ARHGAP24: variants seen among roughly 807,000 people sequenced by gnomAD.
ARHGAP24 encodes Rho GTPase activating protein 24.
In ARHGAP24, 50 loss-of-function variants were observed where a neutral mutation model predicts 76.4. The observed-to-expected ratio is 0.65, with a 90% CI of 0.52 to 0.83. The LOEUF (loss-of-function observed/expected upper bound fraction) is 0.83. Ranked by LOEUF, ARHGAP24 falls within the 40% of genes least tolerant of loss-of-function variation. The probability of loss-of-function intolerance (pLI) is 0.00; values close to 1 mark genes in which losing one functional copy is unlikely to be tolerated. For synonymous variants in ARHGAP24, 345 were observed against 323.3 expected (o/e 1.07, Z -0.72); for missense variants, 930 against 914.2 (o/e 1.02, Z -0.22).
chr4:85,702,764 T>C (rs1426250323), intron 2 of ARHGAP24, among the ~76,000 whole-genome samples: 1 of 152,152 alleles, frequency 6.6e-6, no homozygotes, highest in East Asian at 1.9e-4. Flanking sequence ...ATTGTCAAGA[T>C]TTAAATGCAT....
intron 3 of ARHGAP24, among the ~76,000 whole-genome samples, chr4:85,814,342 T>A (rs1180550069): frequency 6.6e-6 from 1 of 152,082 alleles, no homozygotes; most frequent in Non-Finnish European, 1.5e-5. Context: ...CAGTCCAAAG[T>A]CTCATCTGAG....
At chr4:85,693,352 G>A (rs1723742310) in intron 2 of ARHGAP24, among the ~76,000 whole-genome samples, 2 of 152,144 alleles carry the variant, frequency 1.3e-5, no homozygotes, top group South Asian at 4.1e-4. Flanking sequence ...CAAAGAAATA[G>A]GCCACATCCT....
At chr4:85,583,405 T>C (rs1288445811) in intron 2 of ARHGAP24, among the ~76,000 whole-genome samples, 2 of 152,108 alleles carry the variant, frequency 1.3e-5, no homozygotes, top group Admixed American at 6.6e-5. Context: ...TGTTTTTTAA[T>C]AGATCAAGAG....
chr4:85,887,472 G>GA (rs1733624969), intron 3 of ARHGAP24, among the ~76,000 whole-genome samples: 1 of 152,150 alleles, frequency 6.6e-6, no homozygotes, highest in African/African-American at 2.4e-5. Context: ...AAGAGACTGA[G>GA]AAAGAGATGG....
intron 3 of ARHGAP24, among the ~76,000 whole-genome samples, chr4:85,911,495 C>A (rs924954251): frequency 2.6e-5 from 4 of 152,160 alleles, no homozygotes; most frequent in Non-Finnish European, 4.4e-5. Context: ...TAATTTAAAT[C>A]AATTTTCTCA....
chr4:85,664,296 C>T lies in ARHGAP24; in HGVS notation c.181-57589C>T, dbSNP rs572575616. Among the ~76,000 whole-genome samples, 958 of 151,048 alleles carry T rather than the reference C, an allele frequency of 6.3e-3. 79 individuals carry two copies. Among genetic ancestry groups the T allele is most frequent in the African/African-American group, 0.022 (893 of 40,384 alleles). On this transcript the variant is annotated intron_variant, in intron 2 of 9. Coordinates refer to ENST00000395184, the MANE Select transcript of ARHGAP24 (RefSeq NM_001025616.3). ...TCTTCTGGATTTTCTAGTTTATTTG[C>T]GTAGAGGTGTTTGTAGTATTCTCTG...
At position 85,700,076 on chromosome 4, in the gene ARHGAP24, A is replaced by G. The variant is rs1432039482; in HGVS notation, c.181-21809A>G. Among the ~76,000 whole-genome samples, 4 of 152,154 alleles carry G rather than the reference A, an allele frequency of 2.6e-5. 1 individual carries two copies. The highest frequency in any genetic ancestry group is 1.9e-4 in the East Asian group (1 of 5,180). On this transcript the variant is annotated intron_variant, in intron 2 of 9. Coordinates refer to ENST00000395184, the MANE Select transcript of ARHGAP24 (RefSeq NM_001025616.3). The stretch of plus-strand genomic sequence containing the variant: ...CTGAGGAGATCACACAGTAGAGGTA[A>G]TAAGTGACCAGTACATCTGTTTTGA...
intron 2 of ARHGAP24, among the ~76,000 whole-genome samples, chr4:85,685,624 C>T (rs533646197): frequency 1.3e-4 from 14 of 111,230 alleles, no homozygotes; most frequent in South Asian, 9.5e-4. Flanking sequence ...CAGAGCGAGA[C>T]TCTGTCTCAA....
At chr4:85,916,341 A>T (rs969187850) in intron 3 of ARHGAP24, among the ~76,000 whole-genome samples, 2 of 151,816 alleles carry the variant, frequency 1.3e-5, no homozygotes, top group Non-Finnish European at 2.9e-5. Flanking sequence ...GATTGCAAAA[A>T]TTTTCTCCCA....
At chr4:85,550,481 T>C (rs962916524) in intron 1 of ARHGAP24, among the ~76,000 whole-genome samples, 1 of 152,236 alleles carries the variant, frequency 6.6e-6, no homozygotes, top group Non-Finnish European at 1.5e-5. Flanking sequence ...GGTAACATAA[T>C]GCCTCCAGCT....
At chr4:85,919,883 T>A (rs1236296527) in intron 3 of ARHGAP24, among the ~76,000 whole-genome samples, 1 of 152,170 alleles carries the variant, frequency 6.6e-6, no homozygotes, top group African/African-American at 2.4e-5. Context: ...GTGGTATAAG[T>A]GGATCAGAAT....
chr4:85,491,216 CT>C (rs1349661593), intron 1 of ARHGAP24, among the ~76,000 whole-genome samples: 79 of 152,174 alleles, frequency 5.2e-4, no homozygotes, highest in African/African-American at 1.8e-3. Flanking sequence ...AAGTTGATAA[CT>C]TTTTCATAAT....
intron 1 of ARHGAP24, among the ~76,000 whole-genome samples, chr4:85,506,924 T>A (rs1724080354): frequency 6.6e-6 from 1 of 151,744 alleles, no homozygotes; most frequent in East Asian, 1.9e-4. Flanking sequence ...AACTTAGAAA[T>A]GTGATAAAGT....
At chr4:85,480,741 A>G (rs1722783115) in intron 1 of ARHGAP24, among the ~76,000 whole-genome samples, 1 of 152,168 alleles carries the variant, frequency 6.6e-6, no homozygotes, top group African/African-American at 2.4e-5. Context: ...TTTTTAAAAA[A>G]TGTAGGAAAA....
intron 4 of ARHGAP24, among the ~76,000 whole-genome samples, chr4:85,937,172 A>G (rs1736686880): frequency 6.6e-6 from 1 of 152,208 alleles, no homozygotes; most frequent in Admixed American, 6.5e-5. Flanking sequence ...CATGGAAGAA[A>G]TACTGAATAT....
At chr4:85,557,446 G>A (rs558186586) in intron 1 of ARHGAP24, among the ~76,000 whole-genome samples, 40 of 152,320 alleles carry the variant, frequency 2.6e-4, no homozygotes, top group African/African-American at 8.2e-4. Context: ...GGGAGTTTGC[G>A]GGGATTTCCT....
intron 1 of ARHGAP24, among the ~76,000 whole-genome samples, chr4:85,526,133 G>A (rs142035804): frequency 1.3e-4 from 20 of 152,094 alleles, no homozygotes; most frequent in African/African-American, 3.4e-4. Flanking sequence ...ATTTTTGGCC[G>A]GGTATGGTGG....
intron 3 of ARHGAP24, among the ~76,000 whole-genome samples, chr4:85,874,059 AATATTGAGGCTT>A (rs1215484179): frequency 1.3e-5 from 2 of 152,202 alleles, no homozygotes; most frequent in African/African-American, 4.8e-5. Flanking sequence ...GCCTAATAAA[AATATTGAGGCTT>A]AGGTTTTCCC....
chr4:85,649,036 T>TG (rs749735560), intron 2 of ARHGAP24, among the ~76,000 whole-genome samples: 7,794 of 150,252 alleles, frequency 0.052, 650 homozygotes, highest in African/African-American at 0.18. Flanking sequence ...TGTGTGTGTG[T>TG]TTGTGTGTGT....
Sources: allele counts gnomAD v4.1 joint callset (sites outside exome capture counted in the v4.1 genomes callset), GRCh38; gene constraint gnomAD v4.1.1; transcripts MANE v1.5; gene names NCBI Gene and HGNC (gene_info 2026-07-23, HGNC 2026-07-21).